Variants in HPSE2 observed in about 807,000 individuals in gnomAD.
HPSE2 encodes inactive heparanase-2.
HPSE2 carries 38 observed loss-of-function variants against 60.5 expected under a neutral mutation model. The observed-to-expected ratio is 0.63, with a 90% confidence interval of 0.48 to 0.82. HPSE2 has a LOEUF of 0.82. HPSE2 is among the 40% of genes least tolerant of loss of function. The pLI is 0.00. For synonymous variants in HPSE2, 295 were observed against 293.2 expected, an observed-to-expected ratio of 1.01 and a Z score of -0.06; for missense variants, 713 against 740.4, an observed-to-expected ratio of 0.96 and a Z score of 0.43.
the HPSE2 span, among the ~76,000 whole-genome samples, chr10:99,270,866 T>C: frequency 2.0e-5 from 3 of 152,094 alleles, no homozygotes; most frequent in Admixed American, 6.5e-5. Flanking sequence ...ACCACATAAA[T>C]AGAATTAAAA....
chr10:99,026,134 T>C (rs2487886), intron 3 of HPSE2, among the ~76,000 whole-genome samples: 141,068 of 152,096 alleles, frequency 0.93, 65,722 homozygotes, highest in East Asian at 0.99. Context: ...TCAATAATAA[T>C]ATTTAATGTA....
At chr10:99,283,809 A>C in the HPSE2 span, among the ~76,000 whole-genome samples, 3 of 152,204 alleles carry the variant, frequency 2.0e-5, no homozygotes, top group Admixed American at 2.0e-4. Flanking sequence ...TCAAGAAGAA[A>C]CAGAACATCT....
At chr10:98,529,765 C>T (rs1317427166) in intron 9 of HPSE2, among the ~76,000 whole-genome samples, 1 of 152,192 alleles carries the variant, frequency 6.6e-6, no homozygotes, top group Non-Finnish European at 1.5e-5. Context: ...TGCATGATTG[C>T]CACTGTACCC....
chr10:98,621,438 C>T (rs1946071315), intron 7 of HPSE2, among the ~76,000 whole-genome samples: 1 of 152,146 alleles, frequency 6.6e-6, no homozygotes, highest in Admixed American at 6.6e-5. Flanking sequence ...GCAATCGGCA[C>T]TTAGGAGTAA....
At chr10:98,752,382 C>A (rs1275291861) in intron 3 of HPSE2, among the ~76,000 whole-genome samples, 2 of 152,108 alleles carry the variant, frequency 1.3e-5, no homozygotes, top group Admixed American at 6.5e-5. Context: ...TAGGAAGATT[C>A]TTTGGGTAGC....
chr10:98,942,300 A>T lies in HPSE2; in HGVS notation c.611-198244T>A, dbSNP rs560696108. On this transcript the variant is annotated intron_variant, in intron 3 of 11. Coordinates refer to ENST00000370552, the MANE Select transcript of HPSE2 (RefSeq NM_021828.5). Reference sequence around the variant, plus strand: ...CCATTAGAGTGAACAGGAAACCTATAAAATGGGAGAAAATTTTCGCAACCT... The same window carrying T: ...CCATTAGAGTGAACAGGAAACCTATTAAATGGGAGAAAATTTTCGCAACCT... Among the ~76,000 whole-genome samples the T allele has an allele frequency of 1.4e-4, 20 of 143,556 alleles. 2 individuals carry two copies. Among genetic ancestry groups the T allele is most frequent in the Non-Finnish European group, 1.2e-4 (8 of 67,162 alleles). The allele number at this position is 143,556 out of a possible 152,430, so 94.2% of individuals were successfully genotyped here. A position where few individuals can be genotyped will look rare whatever the true frequency, so the allele number is the denominator to read the frequency against.
Position 98,490,170 on chromosome 10 carries a change from C to A in HPSE2, c.1347G>T (p.Lys449Asn). ...LPDYWLSLLY[K>N]RLIGPKVLAV... ...CCAAGACTTTGGGGCCGATCAGGCG[C>A]TTGTAGAGGAGAGAGAGCCAGTAGT... Residue 449 changes from lysine to asparagine, a missense_variant, in exon 10 of 12, where the codon AAG (lysine) becomes AAT (asparagine). Physicochemically the swap from Lys to Asn is moderately conservative, Grantham distance 94. Coordinates refer to ENST00000370552, the MANE Select transcript of HPSE2 (RefSeq NM_021828.5). The A allele has an allele frequency of 1.2e-6, 2 of 1,614,124 alleles. No homozygotes were observed. Among genetic ancestry groups the A allele is most frequent in the Non-Finnish European group, 1.7e-6 (2 of 1,180,016 alleles).
At chr10:98,842,607 T>C (rs1324372224) in intron 3 of HPSE2, among the ~76,000 whole-genome samples, 4 of 151,428 alleles carry the variant, frequency 2.6e-5, no homozygotes, top group Non-Finnish European at 5.9e-5. Flanking sequence ...AGATTTCCTA[T>C]ATATGCCCTG....
At chr10:98,717,655 T>C (rs940388599) in intron 5 of HPSE2, among the ~76,000 whole-genome samples, 2 of 152,150 alleles carry the variant, frequency 1.3e-5, no homozygotes, top group East Asian at 1.9e-4. Context: ...GTTGATTAAG[T>C]TTGCCATCTT....
At chr10:98,624,689 G>A (rs1946161084) in intron 7 of HPSE2, among the ~76,000 whole-genome samples, 2 of 152,216 alleles carry the variant, frequency 1.3e-5, no homozygotes, top group East Asian at 1.9e-4. Context: ...ACAAATTAAA[G>A]TTTTATTATT....
chr10:98,762,715 TA>T (rs5787307), intron 3 of HPSE2, among the ~76,000 whole-genome samples: 130,350 of 151,502 alleles, frequency 0.86, 56,467 homozygotes, highest in African/African-American at 0.96. Context: ...CCCATACTTT[TA>T]AAAAAAAATG....
intron 5 of HPSE2, among the ~76,000 whole-genome samples, chr10:98,715,748 C>T (rs537534889): frequency 3.3e-5 from 5 of 151,998 alleles, no homozygotes; most frequent in Non-Finnish European, 4.4e-5. Context: ...AAAATGATAA[C>T]GATCATCTGA....
At chr10:98,687,954 G>C (rs777242864) in intron 6 of HPSE2, among the ~76,000 whole-genome samples, 5 of 151,952 alleles carry the variant, frequency 3.3e-5, no homozygotes, top group Non-Finnish European at 5.9e-5. Flanking sequence ...TATAATTATT[G>C]ATATAATCAT....
At chr10:99,258,581 G>C in the HPSE2 span, among the ~76,000 whole-genome samples, 2 of 152,094 alleles carry the variant, frequency 1.3e-5, no homozygotes, top group Non-Finnish European at 2.9e-5. Flanking sequence ...GGCAAAACCA[G>C]TCTGAAAAAG....
intron 3 of HPSE2, among the ~76,000 whole-genome samples, chr10:98,912,283 C>A (rs1954000053): frequency 6.6e-6 from 1 of 152,124 alleles, no homozygotes; most frequent in Non-Finnish European, 1.5e-5. Flanking sequence ...AGACACCATG[C>A]CTAGTAGAAC....
chr10:99,158,608 T>G (rs1589750472), intron 2 of HPSE2, among the ~76,000 whole-genome samples: 1 of 106,640 alleles, frequency 9.4e-6, no homozygotes, highest in Admixed American at 1.0e-4. Context: ...TGTGGTGGGG[T>G]GGGGGGAGGG....
chr10:98,819,392 T>C (rs1015824423), intron 3 of HPSE2, among the ~76,000 whole-genome samples: 2 of 151,638 alleles, frequency 1.3e-5, no homozygotes, highest in Admixed American at 6.6e-5. Context: ...TCTTTCCCCT[T>C]GCTTTTTCAA....
At chr10:99,147,137 C>A (rs1846085462) in intron 2 of HPSE2, among the ~76,000 whole-genome samples, 1 of 152,156 alleles carries the variant, frequency 6.6e-6, no homozygotes. Flanking sequence ...CTGAGGTCCA[C>A]AAAGCTTGAC....
intron 3 of HPSE2, among the ~76,000 whole-genome samples, chr10:98,903,018 A>G (rs1953709516): frequency 6.6e-6 from 1 of 152,172 alleles, no homozygotes; most frequent in African/African-American, 2.4e-5. Flanking sequence ...AGAGAGAAAT[A>G]ATCTAAATGT....
Sources: allele counts gnomAD v4.1 joint callset (sites outside exome capture counted in the v4.1 genomes callset), GRCh38; gene constraint gnomAD v4.1.1; transcripts MANE v1.5; gene names NCBI Gene and HGNC (gene_info 2026-07-23, HGNC 2026-07-21).